The following MAX variants were observed in gnomAD, a reference collection of about 807,000 sequenced individuals.
The protein encoded by MAX is MYC associated transcriptional regulator X, also known as protein max.
Under a neutral mutation model 22.3 loss-of-function variants are expected in MAX, and 3 were observed. The observed-to-expected ratio is 0.13, with a 90% CI of 0.06 to 0.35. MAX has a LOEUF of 0.35. Ranked by LOEUF, MAX falls within the 10% of genes least tolerant of loss-of-function variation. The pLI, the probability that MAX is intolerant of heterozygous loss-of-function variation, is 1.00. For missense variants in MAX, 119 were observed against 209.4 expected, an observed-to-expected ratio of 0.57 and a Z score of 2.66; for synonymous variants, 72 against 77.7, an observed-to-expected ratio of 0.93 and a Z score of 0.39.
At chr14:65,066,150 A>G (rs1470755604) in intron 3 of MAX, among the ~76,000 whole-genome samples, 3 of 152,214 alleles carry the variant, frequency 2.0e-5, no homozygotes, top group African/African-American at 7.2e-5. Context: ...GGATGGTGAC[A>G]GCAAATAGGG....
At chr14:65,096,081 G>A (rs2139911224) in intron 2 of MAX, among the ~76,000 whole-genome samples, 1 of 152,292 alleles carries the variant, frequency 6.6e-6, no homozygotes, top group South Asian at 2.1e-4. Context: ...CTTCTCATCT[G>A]GGGAGCCAGC....
downstream of MAX, among the ~76,000 whole-genome samples, chr14:65,070,763 G>A (rs908118558): frequency 6.6e-6 from 1 of 152,240 alleles, no homozygotes; most frequent in African/African-American, 2.4e-5. The surrounding 1 kb of genome is among the most constrained non-coding windows in gnomAD (Gnocchi z 4.4). Flanking sequence ...GCTGAAAAAC[G>A]ATGGCTGACC....
chr14:65,053,451 C>T (rs1328072269), intron 3 of MAX: 1 of 951,488 alleles, frequency 1.1e-6, no homozygotes, highest in African/African-American at 1.7e-5. Context: ...GCAGAGGTGT[C>T]ACCTTCAGCA....
At position 65,044,486 on chromosome 14, in the gene MAX, T is replaced by A; in HGVS notation, c.172-38202A>T. On this transcript the variant is annotated intron_variant, in intron 3 of 3. Transcript: ENST00000341653. The surrounding 1 kb of genome is among the most constrained non-coding windows in gnomAD (Gnocchi z 5.5). ...TTCACTTGGGGCTGGATGATTTCCC[T>A]CCACTACTCACAAAGTCTGGAAGCC... 6.4e-7 allele frequency: 1 copy of A among 1,573,016 alleles called. No individual in the cohort carries two copies. The highest frequency in any genetic ancestry group is 1.2e-5 in the South Asian group (1 of 84,476).
chr14:65,099,559 C>A (rs1029355572), intron 2 of MAX, among the ~76,000 whole-genome samples: 166 of 146,642 alleles, frequency 1.1e-3, no homozygotes, highest in African/African-American at 2.7e-3. Flanking sequence ...AACAAACAAA[C>A]AAAAAAAACA....
intron 3 of MAX, chr14:65,083,847 G>A (rs2063256214): frequency 8.4e-7 from 1 of 1,193,680 alleles, no homozygotes. Flanking sequence ...GAAGGTAAAG[G>A]GAGGGCCCAG....
At chr14:65,053,161 A>G in intron 3 of MAX, 2 of 1,140,522 alleles carry the variant, frequency 1.8e-6, no homozygotes, top group South Asian at 6.9e-5. Flanking sequence ...CTATTCCCCC[A>G]GGTGAGAAAG....
intron 3 of MAX, among the ~76,000 whole-genome samples, chr14:65,081,636 A>T (rs150399165): frequency 6.6e-6 from 1 of 152,374 alleles, no homozygotes; most frequent in East Asian, 1.9e-4. Flanking sequence ...GTGACTGATC[A>T]GATAGAACTT....
chr14:65,045,935 C>G (rs1248905523), intron 3 of MAX, among the ~76,000 whole-genome samples: 1 of 152,192 alleles, frequency 6.6e-6, no homozygotes, highest in Admixed American at 6.5e-5. Flanking sequence ...CAGTCTCTGC[C>G]TTGACCACCA....
Position 65,044,357 on chromosome 14 carries a change from G to A in MAX, c.172-38073C>T. On this transcript the variant is annotated intron_variant, in intron 3 of 3. Transcript: ENST00000341653. This position sits in a 1 kb window ranked among gnomAD's most constrained non-coding sequence, Gnocchi z 5.5. ...ATGCGATTTGAAGGAGGATTTCAGG[G>A]CCGCTGCAACAAGCTGGTGGATGGC... 6.2e-7 allele frequency: 1 copy of A among 1,613,544 alleles called. No homozygotes were observed. Among genetic ancestry groups the A allele is most frequent in the Non-Finnish European group, 8.5e-7 (1 of 1,179,820 alleles).
chr14:65,075,028 C>T (rs1183478490), downstream of MAX: 1 of 1,005,100 alleles, frequency 9.9e-7, no homozygotes, highest in Non-Finnish European at 1.2e-6. This position sits in a 1 kb window ranked among gnomAD's most constrained non-coding sequence, Gnocchi z 4.1. Context: ...GCCACCTCCA[C>T]TTCTCACTCA....
At chr14:65,080,962 C>A (rs1324167461) in intron 3 of MAX, among the ~76,000 whole-genome samples, 2 of 152,198 alleles carry the variant, frequency 1.3e-5, no homozygotes, top group Non-Finnish European at 2.9e-5. Context: ...CACAGCAAAA[C>A]AAGCCAGAAG....
At chr14:65,017,693 G>A (rs1014602479) in intron 3 of MAX, among the ~76,000 whole-genome samples, 5 of 151,834 alleles carry the variant, frequency 3.3e-5, no homozygotes, top group African/African-American at 9.7e-5. Flanking sequence ...GGTGGCTCAC[G>A]CCTGTAATCC....
rs149825432 is a variant in MAX, at chr14:65,050,081, A to G, written c.171+43627T>C. On this transcript the variant is annotated intron_variant, in intron 3 of 3. Transcript: ENST00000341653. ...AAGGAGAAAATAGATGCAGCATATG[A>G]TGTAGACAAGGGGCAAGTATAAGAA... Among the ~76,000 whole-genome samples, 386 of 152,332 alleles carry G rather than the reference A, an allele frequency of 2.5e-3. 3 individuals carry two copies. Among genetic ancestry groups the G allele is most frequent in the African/African-American group, 8.8e-3 (367 of 41,570 alleles).
At chr14:65,066,726 T>C (rs1486894996) in intron 3 of MAX, among the ~76,000 whole-genome samples, 4 of 151,806 alleles carry the variant, frequency 2.6e-5, no homozygotes, top group Non-Finnish European at 4.4e-5. Context: ...TGGTGGTGCA[T>C]ACCTGTAATC....
intron 3 of MAX, among the ~76,000 whole-genome samples, chr14:65,042,202 G>A (rs575186239): frequency 5.3e-5 from 8 of 152,148 alleles, no homozygotes; most frequent in Non-Finnish European, 8.8e-5. Flanking sequence ...GGTGGGACGG[G>A]GGGTGATGGC....
intron 2 of MAX, among the ~76,000 whole-genome samples, chr14:65,094,663 T>A (rs1272909681): frequency 2.6e-5 from 4 of 152,234 alleles, no homozygotes; most frequent in African/African-American, 7.2e-5. Context: ...CAGCTGGAGA[T>A]GGACCAAAAC....
At chr14:65,006,323 A>T in intron 3 of MAX, 1 of 1,610,008 alleles carries the variant, frequency 6.2e-7, no homozygotes, top group Non-Finnish European at 8.5e-7. Context: ...GCTTACTAGT[A>T]TAGTCTTTCC....
At position 65,027,725 on chromosome 14, in the gene MAX, C is replaced by G. The variant is rs566305169; in HGVS notation, c.172-21441G>C. On this transcript the variant is annotated intron_variant, in intron 3 of 3. Transcript: ENST00000341653. This position sits in a 1 kb window ranked among gnomAD's most constrained non-coding sequence, Gnocchi z 5.7. ...AGAAGCTTCTTCAGTATTTGTACTC[C>G]CTGAAGCAACCTGACGGCTCCTTTC... is the stretch of plus-strand genomic sequence containing the variant. 1 of 1,614,152 alleles carries G rather than the reference C, an allele frequency of 6.2e-7. No homozygotes were observed. Among genetic ancestry groups the G allele is most frequent in the African/African-American group, 1.3e-5 (1 of 75,018 alleles).
Sources: allele counts gnomAD v4.1 joint callset (sites outside exome capture counted in the v4.1 genomes callset), GRCh38; gene constraint gnomAD v4.1.1; non-coding constraint Gnocchi (gnomAD v3.1); transcripts MANE v1.5; gene names NCBI Gene and HGNC (gene_info 2026-07-23, HGNC 2026-07-21).